CFAP299: variants seen among roughly 807,000 people sequenced by gnomAD.
CFAP299 encodes the protein cilia and flagella associated protein 299.
CFAP299 carries 21 observed loss-of-function variants against 27.0 expected under a neutral mutation model. That is an observed-to-expected ratio of 0.78 (90% CI 0.55 to 1.12). The LOEUF (loss-of-function observed/expected upper bound fraction) is 1.12, where lower values mean the gene tolerates loss of function less well. Ranked by LOEUF, CFAP299 falls within the 50% of genes most tolerant of loss-of-function variation. The pLI is 0.00. For missense variants in CFAP299, 310 were observed against 276.6 expected (o/e 1.12, Z -0.86); for synonymous variants, 104 against 98.1 (o/e 1.06, Z -0.36).
chr4:80,800,505 T>TGATATATTA (rs1728444774), intron 3 of CFAP299, among the ~76,000 whole-genome samples: 5 of 3,784 alleles, frequency 1.3e-3, no homozygotes, highest in East Asian at 0.021. Flanking sequence ...TATAATATAT[T>TGATATATTA]ATATAATATA....
At chr4:80,718,313 G>T (rs1197951254) in intron 3 of CFAP299, among the ~76,000 whole-genome samples, 1 of 151,998 alleles carries the variant, frequency 6.6e-6, no homozygotes, top group Admixed American at 6.6e-5. Flanking sequence ...TCTTTGGCCT[G>T]GTATCTTTGG....
In CFAP299 at chr4:80,664,786, C is replaced by A. The variant is rs563786711; in HGVS notation, c.333+81603C>A. Among the ~76,000 whole-genome samples, 10 of 152,238 alleles carry A rather than the reference C, an allele frequency of 6.6e-5. No individual in the cohort carries two copies. The East Asian group carries it at 1.9e-3, about 30-fold the overall frequency. ...GGCACCACTGGGGTATGAAAAAAAACTCCTGCAGCTAGCTCTGTGTCTGCC... is the reference window on the plus strand; with the variant it reads ...GGCACCACTGGGGTATGAAAAAAAAATCCTGCAGCTAGCTCTGTGTCTGCC... On this transcript the variant is annotated intron_variant, in intron 3 of 5. Coordinates refer to ENST00000358105, the MANE Select transcript of CFAP299 (RefSeq NM_152770.3).
In CFAP299 at chr4:80,391,044, C is replaced by T. The variant is rs199791190; in HGVS notation, c.242+28160C>T. On this transcript the variant is annotated intron_variant, in intron 2 of 5. Transcript: ENST00000358105. ...ATATGTATATATGTATACACACACA[C>T]ATATATACACACATATATATACATA... 4.0e-5 allele frequency among the ~76,000 whole-genome samples: 6 copies of T among 149,038 alleles called. No homozygotes were observed. The South Asian group carries it at 1.1e-3, about 27-fold the overall frequency.
chr4:80,404,806 G>A (rs746015961), intron 2 of CFAP299, among the ~76,000 whole-genome samples: 3 of 152,040 alleles, frequency 2.0e-5, no homozygotes, highest in Non-Finnish European at 4.4e-5. Flanking sequence ...CCTGTTAGTG[G>A]GATTGCTGTA....
chr4:80,814,586 T>G (rs1339004695), intron 3 of CFAP299, among the ~76,000 whole-genome samples: 1 of 151,974 alleles, frequency 6.6e-6, no homozygotes, highest in Non-Finnish European at 1.5e-5. Context: ...TGGGAATAAT[T>G]TTAATGTCTC....
At chr4:80,789,666 C>A (rs1424368126) in intron 3 of CFAP299, among the ~76,000 whole-genome samples, 1 of 151,920 alleles carries the variant, frequency 6.6e-6, no homozygotes, top group Admixed American at 6.6e-5. Flanking sequence ...TTTATTACTA[C>A]TTTAGAGATG....
chr4:80,772,160 CT>C (rs1726255554), intron 3 of CFAP299, among the ~76,000 whole-genome samples: 1 of 152,092 alleles, frequency 6.6e-6, no homozygotes, highest in South Asian at 2.1e-4. Context: ...AGGAAAACAC[CT>C]TTAAGGTATC....
chr4:80,571,341 T>A (rs1377273795), intron 2 of CFAP299, among the ~76,000 whole-genome samples: 3 of 152,070 alleles, frequency 2.0e-5, no homozygotes, highest in Non-Finnish European at 4.4e-5. Context: ...TTTGTGGTTA[T>A]CTGGCTTGAA....
At chr4:80,876,768 C>T (rs1733400736) in intron 4 of CFAP299, among the ~76,000 whole-genome samples, 2 of 152,044 alleles carry the variant, frequency 1.3e-5, no homozygotes, top group Non-Finnish European at 2.9e-5. Context: ...GTAAAGATGT[C>T]ACTTTTGACC....
At chr4:80,447,356 C>G (rs1728689761) in intron 2 of CFAP299, among the ~76,000 whole-genome samples, 9 of 150,848 alleles carry the variant, frequency 6.0e-5, no homozygotes. Flanking sequence ...GGGATGGTCT[C>G]GATCTCCTGA....
chr4:80,559,645 T>G (rs1319652404), intron 2 of CFAP299, among the ~76,000 whole-genome samples: 3 of 152,168 alleles, frequency 2.0e-5, no homozygotes, highest in Non-Finnish European at 2.9e-5. Context: ...CTGCATTGTG[T>G]GGAGATCATC....
intron 3 of CFAP299, among the ~76,000 whole-genome samples, chr4:80,722,728 G>A (rs891040857): frequency 6.6e-6 from 1 of 151,728 alleles, no homozygotes. Flanking sequence ...GTGAAACCCC[G>A]TCTCTACTAA....
At chr4:80,685,538 T>C (rs958523747) in intron 3 of CFAP299, among the ~76,000 whole-genome samples, 1 of 148,932 alleles carries the variant, frequency 6.7e-6, no homozygotes, top group African/African-American at 2.5e-5. Flanking sequence ...GTTTTTCATT[T>C]AATAACTGAA....
chr4:80,618,516 A>C (rs1437595562), intron 3 of CFAP299, among the ~76,000 whole-genome samples: 2 of 152,128 alleles, frequency 1.3e-5, no homozygotes, highest in African/African-American at 4.8e-5. Context: ...TATTAGGAAA[A>C]AAATGAAGGG....
chr4:80,750,845 A>G (rs1724890881), intron 3 of CFAP299, among the ~76,000 whole-genome samples: 1 of 152,152 alleles, frequency 6.6e-6, no homozygotes, highest in South Asian at 2.1e-4. Flanking sequence ...ACTTTTTGTC[A>G]ACTTGTAACA....
At chr4:80,438,034 A>G (rs1728175928) in intron 2 of CFAP299, among the ~76,000 whole-genome samples, 1 of 152,246 alleles carries the variant, frequency 6.6e-6, no homozygotes, top group South Asian at 2.1e-4. Context: ...CAGAAAAAGC[A>G]TCTTTGCTTT....
At chr4:80,674,226 A>G (rs1719231957) in intron 3 of CFAP299, among the ~76,000 whole-genome samples, 1 of 152,172 alleles carries the variant, frequency 6.6e-6, no homozygotes, top group Non-Finnish European at 1.5e-5. Context: ...GGTGGTGACA[A>G]AATCTCTCAG....
chr4:80,817,422 A>G (rs1729476468), intron 3 of CFAP299, among the ~76,000 whole-genome samples: 1 of 152,156 alleles, frequency 6.6e-6, no homozygotes, highest in Non-Finnish European at 1.5e-5. Context: ...ATCAATATGA[A>G]TACATTAAAG....
chr4:80,563,659 C>T (rs1735145828), intron 2 of CFAP299, among the ~76,000 whole-genome samples: 1 of 151,372 alleles, frequency 6.6e-6, no homozygotes. Flanking sequence ...AAGAGCAAAC[C>T]AAATCCAAAA....
Sources: gnomAD v4.1 joint callset for allele counts (sites outside exome capture counted in the v4.1 genomes callset) on GRCh38, gnomAD v4.1.1 for gene constraint, MANE v1.5 for transcripts, NCBI Gene and HGNC (gene_info 2026-07-23, HGNC 2026-07-21) for gene names.